LRP11: variants seen among roughly 807,000 people sequenced by gnomAD.
LRP11 encodes the protein LDL receptor related protein 11, also known as low-density lipoprotein receptor-related protein 11.
Under a neutral mutation model 43.1 loss-of-function variants are expected in LRP11, and 25 were observed. That is an observed-to-expected ratio of 0.58 (90% CI 0.42 to 0.81). The LOEUF is 0.81. Ranked by LOEUF, LRP11 falls within the 30% of genes least tolerant of loss-of-function variation. The pLI is 0.00. For missense variants in LRP11, 623 were observed against 665.1 expected (o/e 0.94, Z 0.70); for synonymous variants, 316 against 299.4 (o/e 1.06, Z -0.57).
At position 149,826,330 on chromosome 6, in the gene LRP11, C is replaced by T. The variant is rs1413074296; in HGVS notation, c.1282G>A (p.Glu428Lys). The T allele has an allele frequency of 6.2e-7, 1 of 1,613,566 alleles. No homozygotes were observed. The highest frequency in any genetic ancestry group is 8.5e-7 in the Non-Finnish European group (1 of 1,179,474). ...DSSSSGKNRK[E>K]ESYIFESKGD... ...TTTGACTCAAATATATAACTTTCCTCTTTTCTGTTCTTCCCTGAGGAACTA... is the reference window on the plus strand; with the variant it reads ...TTTGACTCAAATATATAACTTTCCTTTTTTCTGTTCTTCCCTGAGGAACTA... The change falls in exon 6 of 7, where the codon GAG becomes AAG. Residue 428 changes from glutamate (E) to lysine (K), a missense_variant. Transcript: ENST00000239367.
Position 149,863,979 on chromosome 6 carries a change from C to A in LRP11, c.42G>T (p.Arg14=). 7.1e-7 allele frequency: 1 copy of A among 1,410,726 alleles called. No homozygotes were observed. The highest frequency in any genetic ancestry group is 1.5e-5 in the South Asian group (1 of 66,934). The allele number at this position is 1,410,726 out of a possible 1,614,324, so 87.4% of individuals were successfully genotyped here. A position where few individuals can be genotyped will look rare whatever the true frequency, so the allele number is the denominator to read the frequency against. Residue 14 remains arginine (R), a synonymous_variant, in exon 1 of 7, where the codon CGG becomes CGT. Coordinates refer to ENST00000239367, the MANE Select transcript of LRP11 (RefSeq NM_032832.6). ...VAQESAGSQR[R]LPPRHGALRG... ...GCAGCGCCCCGTGACGCGGCGGTAGCCGGCGCTGCGAGCCCGCGCTCTCCT... is the reference window on the plus strand; with the variant it reads ...GCAGCGCCCCGTGACGCGGCGGTAGACGGCGCTGCGAGCCCGCGCTCTCCT...
chr6:149,849,803 C>T (rs1329609793), intron 2 of LRP11, among the ~76,000 whole-genome samples: 2 of 152,124 alleles, frequency 1.3e-5, no homozygotes, highest in African/African-American at 4.8e-5. Context: ...TGCTTAGTGC[C>T]TAGTACAGTA....
chr6:149,823,330 G>C (rs955488791), intron 6 of LRP11, among the ~76,000 whole-genome samples: 3 of 152,190 alleles, frequency 2.0e-5, no homozygotes, highest in Non-Finnish European at 4.4e-5. Flanking sequence ...CATGATCACA[G>C]TCAGGAGAAT....
intron 2 of LRP11, among the ~76,000 whole-genome samples, chr6:149,851,441 C>A (rs925141599): frequency 6.6e-6 from 1 of 152,160 alleles, no homozygotes; most frequent in Non-Finnish European, 1.5e-5. Context: ...ATATGAGGAA[C>A]ATCTGACAAA....
chr6:149,839,558 T>C (rs1267578068), intron 3 of LRP11, among the ~76,000 whole-genome samples: 1 of 152,262 alleles, frequency 6.6e-6, no homozygotes, highest in Non-Finnish European at 1.5e-5. Flanking sequence ...TCCATATTTG[T>C]AAATTTTCTA....
intron 1 of LRP11, among the ~76,000 whole-genome samples, chr6:149,859,392 ATATATTTTTTT>A (rs1776852504): frequency 1.3e-5 from 1 of 76,836 alleles, no homozygotes; most frequent in African/African-American, 9.5e-5. Flanking sequence ...ATATATATAT[ATATATTTTTTT>A]TTTTTTTTTT....
At position 149,863,580 on chromosome 6, in the gene LRP11, C is replaced by T; in HGVS notation, c.441G>A (p.Leu147=). The T allele has an allele frequency of 7.1e-7, 1 of 1,410,908 alleles. No homozygotes were observed. 87.4% of individuals were successfully genotyped at this position (1,410,908 alleles called of 1,614,324 possible). ...EPRCSVAVVE[L]PRRPAPPAAV... is the part of the protein sequence containing the mutation. Reference sequence around the variant, plus strand: ...CTGCCGGGGGCGCGGGGCGCCGGGGCAGCTCCACCACGGCCACGGAGCAGC... The same window carrying T: ...CTGCCGGGGGCGCGGGGCGCCGGGGTAGCTCCACCACGGCCACGGAGCAGC... Residue 147 remains leucine, a synonymous_variant, in exon 1 of 7, where the codon CTG becomes CTA. Transcript: ENST00000239367.
In LRP11 at chr6:149,836,178, C is replaced by A. The variant is rs769777675; in HGVS notation, c.1159G>T (p.Ala387Ser). 4.3e-6 allele frequency: 7 copies of A among 1,613,988 alleles called. No homozygotes were observed. The highest frequency in any genetic ancestry group is 5.9e-6 in the Non-Finnish European group (7 of 1,180,034). The stretch of plus-strand genomic sequence containing the variant: ...GATAATGCAGGTGGCTTGTTTGGGG[C>A]AGTGGCTTTCTGAGACTTTTCCACC... ...SLVEKSQKAT[A>S]PNKPPALSNT... The change falls in exon 5 of 7, where the codon GCC (alanine) becomes TCC (serine). Residue 387 changes from alanine (A) to serine (S), a missense_variant. Ala to Ser is a moderately conservative substitution (Grantham distance 99). Coordinates refer to ENST00000239367, the MANE Select transcript of LRP11 (RefSeq NM_032832.6).
rs148072870 is a variant in LRP11 at position 149,860,940 on chromosome 6, A to G, written c.613+2468T>C. Among the ~76,000 whole-genome samples, 6 of 152,256 alleles carry G rather than the reference A, an allele frequency of 3.9e-5. No individual in the cohort carries two copies. The East Asian group carries it at 1.2e-3, about 29-fold the overall frequency. On this transcript the variant is annotated intron_variant, in intron 1 of 6. Coordinates refer to ENST00000239367, the MANE Select transcript of LRP11 (RefSeq NM_032832.6). ...GAACCTAGGCCTTTGTGTTGTTGTG[A>G]GGACAGAGTGAGTTCATGCGTGCAA... is the stretch of plus-strand genomic sequence containing the variant.
At chr6:149,830,436 A>G (rs979241312) in intron 5 of LRP11, among the ~76,000 whole-genome samples, 4 of 152,190 alleles carry the variant, frequency 2.6e-5, no homozygotes, top group Admixed American at 2.0e-4. Context: ...ATTGAACCAT[A>G]CTGCTCTCAA....
At chr6:149,833,428 C>T (rs1776434335) in intron 5 of LRP11, among the ~76,000 whole-genome samples, 1 of 151,950 alleles carries the variant, frequency 6.6e-6, no homozygotes, top group Admixed American at 6.6e-5. Context: ...CTTTCTTCAC[C>T]CCAGGACTTT....
intron 3 of LRP11, among the ~76,000 whole-genome samples, chr6:149,838,488 A>G (rs2115386401): frequency 6.6e-6 from 1 of 151,832 alleles, no homozygotes; most frequent in African/African-American, 2.4e-5. Context: ...GATCGAGACC[A>G]TCCTGGCTAA....
At chr6:149,826,751 GCTCTTT>G (rs1776345293) in intron 5 of LRP11, among the ~76,000 whole-genome samples, 1 of 152,104 alleles carries the variant, frequency 6.6e-6, no homozygotes, top group South Asian at 2.1e-4. Flanking sequence ...ATTTAGACAT[GCTCTTT>G]CTCTTTCTCA....
At chr6:149,861,654 T>C (rs1417065379) in intron 1 of LRP11, among the ~76,000 whole-genome samples, 2 of 152,120 alleles carry the variant, frequency 1.3e-5, no homozygotes, top group Non-Finnish European at 2.9e-5. Flanking sequence ...GCTGGGATCA[T>C]AGACAGGCGC....
intron 5 of LRP11, among the ~76,000 whole-genome samples, chr6:149,833,494 G>T (rs982788262): frequency 1.3e-5 from 2 of 152,114 alleles, no homozygotes; most frequent in Non-Finnish European, 2.9e-5. Context: ...TCATGAGTAA[G>T]AAAAAAGTTT....
chr6:149,863,098 TG>T (rs1310498142), intron 1 of LRP11, among the ~76,000 whole-genome samples: 4 of 152,170 alleles, frequency 2.6e-5, no homozygotes, highest in African/African-American at 9.7e-5. Flanking sequence ...ATACAACCCA[TG>T]AGACTAAAAC....
intron 3 of LRP11, 78 bp from the exon 4 acceptor site, chr6:149,837,541 T>C: frequency 6.9e-7 from 1 of 1,454,304 alleles, no homozygotes; most frequent in Non-Finnish European, 9.4e-7. Context: ...GGGGAGTCCG[T>C]GGGGATGATA....
intron 6 of LRP11, 180 bp downstream of exon 6, chr6:149,826,084 G>A (rs1776335164): frequency 1.7e-6 from 1 of 604,436 alleles, no homozygotes; most frequent in Admixed American, 2.6e-5. Flanking sequence ...AAGATGGAAG[G>A]TTACTATCAG....
chr6:149,826,252 G>A lies in LRP11; in HGVS notation c.1348+12C>T, dbSNP rs1360134374. On this transcript the variant is annotated intron_variant, in intron 6 of 6. Coordinates refer to ENST00000239367, the MANE Select transcript of LRP11 (RefSeq NM_032832.6). ...CTACAGTCTGCAAAGGGTTTCCAAGGTGGACATTTACCTGTTTCTGGGGCT... is the reference window on the plus strand; with the variant it reads ...CTACAGTCTGCAAAGGGTTTCCAAGATGGACATTTACCTGTTTCTGGGGCT... 2 of 1,598,356 alleles carry A rather than the reference G, an allele frequency of 1.3e-6. No individual in the cohort carries two copies. Among genetic ancestry groups the A allele is most frequent in the Admixed American group, 3.3e-5 (2 of 59,968 alleles).
Sources: gnomAD v4.1 joint callset for allele counts (sites outside exome capture counted in the v4.1 genomes callset) on GRCh38, gnomAD v4.1.1 for gene constraint, MANE v1.5 for transcripts, NCBI Gene and HGNC (gene_info 2026-07-23, HGNC 2026-07-21) for gene names.